The following ARMC2 variants were observed in gnomAD, a reference collection of about 807,000 sequenced individuals.
ARMC2 encodes the protein armadillo repeat-containing protein 2.
ARMC2 carries 67 observed loss-of-function variants against 90.3 expected under a neutral mutation model. That is an observed-to-expected ratio of 0.74 (90% CI 0.61 to 0.91). The LOEUF (loss-of-function observed/expected upper bound fraction) is 0.91, where lower values mean the gene tolerates loss of function less well. Among genes scored for constraint, ARMC2 ranks in the 40% least tolerant of loss-of-function variants. ARMC2 has a pLI of 0.00. For synonymous variants in ARMC2, 393 were observed against 393.0 expected (o/e 1.00, Z 0.00); for missense variants, 920 against 1,030.9 (o/e 0.89, Z 1.47).
chr6:108,961,257 C>T (rs1777981109), intron 13 of ARMC2, among the ~76,000 whole-genome samples: 1 of 152,180 alleles, frequency 6.6e-6, no homozygotes, highest in Non-Finnish European at 1.5e-5. Context: ...TGGCTCCGCT[C>T]ACTGCCGTGT....
At chr6:108,957,834 G>A (rs1260918016) in intron 13 of ARMC2, among the ~76,000 whole-genome samples, 1 of 152,178 alleles carries the variant, frequency 6.6e-6, no homozygotes, top group Non-Finnish European at 1.5e-5. Flanking sequence ...ATATCCGTGA[G>A]TGAATTATAG....
At chr6:109,005,467 T>C in the ARMC2 span, among the ~76,000 whole-genome samples, 14 of 152,302 alleles carry the variant, frequency 9.2e-5, no homozygotes, top group Non-Finnish European at 1.5e-4. Flanking sequence ...TGACAGCACA[T>C]AGGTTTAGAA....
intron 5 of ARMC2, among the ~76,000 whole-genome samples, chr6:108,884,635 C>G (rs1187719584): frequency 6.6e-6 from 1 of 152,068 alleles, no homozygotes; most frequent in Non-Finnish European, 1.5e-5. Flanking sequence ...CAGGAGGCAT[C>G]CTGAGGCTGC....
intron 6 of ARMC2, among the ~76,000 whole-genome samples, chr6:108,896,848 A>G (rs1165430884): frequency 1.3e-5 from 2 of 152,242 alleles, no homozygotes. Flanking sequence ...TATTGGACTC[A>G]AAGTCTGGTT....
At chr6:108,873,090 A>G (rs761358779) in intron 4 of ARMC2, among the ~76,000 whole-genome samples, 26 of 152,172 alleles carry the variant, frequency 1.7e-4, no homozygotes, top group African/African-American at 3.9e-4. Flanking sequence ...CAGATAGTCA[A>G]TATTTTAGAC....
At chr6:108,877,142 A>AT (rs1777017065) in intron 5 of ARMC2, among the ~76,000 whole-genome samples, 1 of 152,142 alleles carries the variant, frequency 6.6e-6, no homozygotes, top group Admixed American at 6.5e-5. Context: ...AGTTTAAGAT[A>AT]TTTTTTTCTA....
intron 17 of ARMC2, 110 bp from the exon 18 acceptor site, chr6:108,973,247 G>T (rs2128522156): frequency 1.3e-6 from 1 of 762,076 alleles, no homozygotes; most frequent in Non-Finnish European, 2.1e-6. Flanking sequence ...GTGTTACGTT[G>T]GTATTAAAGG....
chr6:108,990,326 A>G, the ARMC2 span, among the ~76,000 whole-genome samples: 3 of 152,360 alleles, frequency 2.0e-5, no homozygotes, highest in Non-Finnish European at 4.4e-5. Context: ...GATAGATTAT[A>G]TGAAGAGAAA....
intron 6 of ARMC2, among the ~76,000 whole-genome samples, chr6:108,899,292 C>T (rs1350004440): frequency 6.6e-6 from 1 of 152,128 alleles, no homozygotes; most frequent in Non-Finnish European, 1.5e-5. Flanking sequence ...TTTTAGGTCT[C>T]CCTTTTAGAA....
At chr6:108,898,388 T>C (rs1771809669) in intron 6 of ARMC2, among the ~76,000 whole-genome samples, 1 of 152,202 alleles carries the variant, frequency 6.6e-6, no homozygotes, top group African/African-American at 2.4e-5. Context: ...ACTTAATTGG[T>C]ACCAGGTCCA....
chr6:108,858,124 G>A (rs941219543), intron 2 of ARMC2, 75 bp from the exon 3 acceptor site: 1 of 1,176,642 alleles, frequency 8.5e-7, no homozygotes, highest in East Asian at 2.7e-5. Flanking sequence ...TTTTTAGCTA[G>A]GGTTAACTAA....
chr6:108,954,979 A>C (rs963991025), intron 13 of ARMC2, among the ~76,000 whole-genome samples: 4 of 152,148 alleles, frequency 2.6e-5, no homozygotes, highest in African/African-American at 9.7e-5. Flanking sequence ...CATGTGGTTG[A>C]TTGCCCTCTC....
chr6:108,977,427 G>A (rs546805797), downstream of ARMC2, among the ~76,000 whole-genome samples: 75 of 152,250 alleles, frequency 4.9e-4, no homozygotes, highest in Middle Eastern at 3.4e-3. Flanking sequence ...TTTTCGCATC[G>A]ATGTTCATCA....
chr6:109,020,205 T>G, the ARMC2 span, among the ~76,000 whole-genome samples: 1 of 152,144 alleles, frequency 6.6e-6, no homozygotes, highest in Non-Finnish European at 1.5e-5. Flanking sequence ...TTTTATGTAT[T>G]GTCACAAGAG....
At chr6:108,892,784 G>A (rs1771218725) in intron 5 of ARMC2, among the ~76,000 whole-genome samples, 2 of 151,244 alleles carry the variant, frequency 1.3e-5, no homozygotes, top group Admixed American at 1.3e-4. Context: ...AAAAGGTGGG[G>A]GGAACATGTT....
At chr6:108,935,191 T>C (rs1775860760) in intron 11 of ARMC2, among the ~76,000 whole-genome samples, 1 of 152,212 alleles carries the variant, frequency 6.6e-6, no homozygotes. Flanking sequence ...TTCTTAGTCT[T>C]GCAAAATCTT....
the ARMC2 span, among the ~76,000 whole-genome samples, chr6:109,020,344 T>A: frequency 6.6e-6 from 1 of 152,236 alleles, no homozygotes; most frequent in African/African-American, 2.4e-5. Flanking sequence ...ATCTTTATTA[T>A]GCCAGATACT....
chr6:109,044,086 A>G, the ARMC2 span, among the ~76,000 whole-genome samples: 1 of 151,806 alleles, frequency 6.6e-6, no homozygotes, highest in Non-Finnish European at 1.5e-5. Context: ...AGGCCAAGGC[A>G]AGAGGATTGC....
the ARMC2 span, among the ~76,000 whole-genome samples, chr6:108,980,020 GT>G: frequency 4.6e-5 from 7 of 152,000 alleles, no homozygotes; most frequent in Admixed American, 2.0e-4. Context: ...TCTCCGTCCA[GT>G]TTTGTTCCCT....
Sources: allele counts gnomAD v4.1 joint callset (sites outside exome capture counted in the v4.1 genomes callset), GRCh38; gene constraint gnomAD v4.1.1; transcripts MANE v1.5; gene names NCBI Gene and HGNC (gene_info 2026-07-23, HGNC 2026-07-21).